ZNF420: variants seen among roughly 807,000 people sequenced by gnomAD.
The protein encoded by ZNF420 is zinc finger protein 420, also known as ATM and p53-associated KZNF protein.
Under a neutral mutation model 44.7 loss-of-function variants are expected in ZNF420, and 31 were observed. That is an observed-to-expected ratio of 0.69 (90% CI 0.52 to 0.94). ZNF420 has a LOEUF of 0.94. Among genes scored for constraint, ZNF420 ranks in the 40% least tolerant of loss-of-function variants. The pLI is 0.00. For synonymous variants in ZNF420, 245 were observed against 267.4 expected (o/e 0.92, Z 0.82); for missense variants, 681 against 827.9 (o/e 0.82, Z 2.18).
intron 1 of ZNF420, chr19:37,008,152 C>A: frequency 3.3e-6 from 1 of 299,748 alleles, no homozygotes; most frequent in Non-Finnish European, 6.2e-6. Context: ...GTAGGCTACT[C>A]TCTCACCCGA....
At chr19:37,013,899 A>G (rs1489686349) in intron 1 of ZNF420, among the ~76,000 whole-genome samples, 1 of 152,168 alleles carries the variant, frequency 6.6e-6, no homozygotes, top group East Asian at 1.9e-4. Flanking sequence ...GGCGTCCCCT[A>G]TGAGCAGATG....
Position 37,058,806 on chromosome 19 carries a change from G to A in ZNF420, c.-124-21539G>A, listed in dbSNP as rs566803292. The stretch of plus-strand genomic sequence containing the variant: ...CTGCTCTTAGGGAAGCCAGTGCCAC[G>A]TGTGGTCTCATTGGCTCTACCTCGG... On this transcript the variant is annotated intron_variant, in intron 1 of 4. Coordinates refer to the ZNF420 transcript ENST00000587029. Among the ~76,000 whole-genome samples the A allele has an allele frequency of 3.9e-5, 6 of 152,266 alleles. No individual in the cohort carries two copies. In the South Asian group the frequency reaches 1.0e-3, roughly 26 times the overall value.
intron 1 of ZNF420, among the ~76,000 whole-genome samples, chr19:37,021,171 C>T (rs1452814939): frequency 6.6e-6 from 1 of 152,230 alleles, no homozygotes; most frequent in Admixed American, 6.5e-5. Context: ...TCCACAGAGT[C>T]TCTGTACTGA....
intron 1 of ZNF420, among the ~76,000 whole-genome samples, chr19:37,038,129 C>CAAAAA (rs35492200): frequency 6.9e-6 from 1 of 145,066 alleles, no homozygotes. Flanking sequence ...GACTCCGTCT[C>CAAAAA]AAAAAAAAAA....
At chr19:37,109,720 T>C (rs1970282856) in intron 4 of ZNF420, 1 of 152,202 alleles carries the variant, frequency 6.6e-6, no homozygotes, top group Non-Finnish European at 1.5e-5. Flanking sequence ...AAGCAAAACC[T>C]CTCCTCCACG....
At chr19:37,025,770 C>CT (rs67671586) in intron 1 of ZNF420, among the ~76,000 whole-genome samples, 3,777 of 129,396 alleles carry the variant, frequency 0.029, 72 homozygotes, top group East Asian at 0.059. Flanking sequence ...TTAAACCTGT[C>CT]TTTTTTTTTT....
chr19:37,119,502 G>A (rs1970901347), intron 4 of ZNF420, among the ~76,000 whole-genome samples: 1 of 152,184 alleles, frequency 6.6e-6, no homozygotes, highest in Non-Finnish European at 1.5e-5. Flanking sequence ...AGCACTAAGT[G>A]TCCACAAGAG....
intron 1 of ZNF420, among the ~76,000 whole-genome samples, chr19:37,055,188 G>A (rs935762492): frequency 5.3e-5 from 8 of 152,182 alleles, no homozygotes; most frequent in Non-Finnish European, 1.2e-4. Context: ...GGAGATGAGC[G>A]AGGCAACATA....
At chr19:37,091,205 T>G in intron 4 of ZNF420, 84 bp downstream of exon 4, 1 of 1,313,342 alleles carries the variant, frequency 7.6e-7, no homozygotes, top group Non-Finnish European at 1.0e-6. Context: ...CCTTTTTAAG[T>G]AATTAACTGA....
intron 4 of ZNF420, among the ~76,000 whole-genome samples, chr19:37,118,796 CA>C (rs551938956): frequency 0.036 from 5,430 of 151,000 alleles, 103 homozygotes; most frequent in South Asian, 0.088. Context: ...AAATGGAAAA[CA>C]AAAAAAGGCA....
At chr19:37,008,067 C>T in exon 1 of ZNF420, 1 of 263,920 alleles carries the variant, frequency 3.8e-6, no homozygotes, top group Non-Finnish European at 7.3e-6. Context: ...CTCAGGCCTG[C>T]CCGGACGGTG....
chr19:37,109,815 T>TA (rs1251946872), intron 4 of ZNF420: 1 of 152,222 alleles, frequency 6.6e-6, no homozygotes, highest in African/African-American at 2.4e-5. Context: ...TTCTTTTTTT[T>TA]ACCAGTAAGA....
chr19:37,116,368 CAAAAAAAA>C (rs57611154), intron 4 of ZNF420, among the ~76,000 whole-genome samples: 22,711 of 76,036 alleles, frequency 0.3, 1,943 homozygotes, highest in African/African-American at 0.37. Context: ...GACTCCACCT[CAAAAAAAA>C]AAAAAAAAAA....
intron 1 of ZNF420, among the ~76,000 whole-genome samples, chr19:37,066,723 T>C (rs1423494456): frequency 6.6e-6 from 1 of 152,208 alleles, no homozygotes; most frequent in Non-Finnish European, 1.5e-5. Context: ...CCTTTGGGTA[T>C]GGTTTGACAG....
At chr19:37,048,219 T>A (rs572015032) in intron 1 of ZNF420, among the ~76,000 whole-genome samples, 144 of 152,268 alleles carry the variant, frequency 9.5e-4, no homozygotes, top group African/African-American at 3.2e-3. Context: ...TAGGAAAAAA[T>A]TTTTTAAATA....
chr19:37,035,522 G>C (rs536322691), intron 1 of ZNF420, among the ~76,000 whole-genome samples: 1 of 152,068 alleles, frequency 6.6e-6, no homozygotes, highest in Non-Finnish European at 1.5e-5. Flanking sequence ...GTGTATGGTA[G>C]CTTCAAAACC....
intron 1 of ZNF420, among the ~76,000 whole-genome samples, chr19:37,014,745 C>T (rs530610940): frequency 6.6e-6 from 1 of 152,364 alleles, no homozygotes; most frequent in South Asian, 2.1e-4. Flanking sequence ...ACCACCATTG[C>T]CTGGGCACGG....
chr19:37,076,993 A>G (rs1444896427), upstream of ZNF420, among the ~76,000 whole-genome samples: 1 of 152,116 alleles, frequency 6.6e-6, no homozygotes, highest in Admixed American at 6.6e-5. Flanking sequence ...CAGTCACATT[A>G]CCGGTAAGAG....
chr19:37,022,694 C>A (rs1452646350), intron 1 of ZNF420, among the ~76,000 whole-genome samples: 1 of 152,026 alleles, frequency 6.6e-6, no homozygotes, highest in African/African-American at 2.4e-5. Flanking sequence ...GATAGTGTTC[C>A]ATGTTTTTTT....
Sources: allele counts gnomAD v4.1 joint callset (sites outside exome capture counted in the v4.1 genomes callset), GRCh38; gene constraint gnomAD v4.1.1; transcripts MANE v1.5; gene names NCBI Gene and HGNC (gene_info 2026-07-23, HGNC 2026-07-21).